SDHAF3: variants seen among roughly 807,000 people sequenced by gnomAD.
SDHAF3 encodes the protein succinate dehydrogenase assembly factor 3, mitochondrial.
A neutral mutation model predicts 11.5 loss-of-function variants in SDHAF3; 18 were observed. The ratio of observed to expected loss-of-function variants is 1.56; its 90% confidence interval spans 1.08 to 2.32. The LOEUF is 2.32. SDHAF3 is among the 30% of genes most tolerant of loss of function. The pLI is 0.00. For missense variants in SDHAF3, 200 were observed against 154.4 expected, an observed-to-expected ratio of 1.30 and a Z score of -1.57; for synonymous variants, 72 against 59.3, an observed-to-expected ratio of 1.21 and a Z score of -0.99.
At chr7:97,180,275 A>T (rs574433504) in intron 1 of SDHAF3, among the ~76,000 whole-genome samples, 1 of 152,226 alleles carries the variant, frequency 6.6e-6, no homozygotes, top group South Asian at 2.1e-4. Context: ...GATGTGTTAC[A>T]TGTCACCGTG....
At chr7:97,135,575 C>T (rs1260102062) in intron 1 of SDHAF3, 1 of 116,548 alleles carries the variant, frequency 8.6e-6, no homozygotes, top group East Asian at 3.5e-4. Flanking sequence ...ATTTGCTAGT[C>T]CCCATATGTG....
chr7:97,179,103 C>T (rs1789731588), intron 1 of SDHAF3, among the ~76,000 whole-genome samples: 1 of 152,146 alleles, frequency 6.6e-6, no homozygotes, highest in Admixed American at 6.5e-5. Context: ...TTATTCTTTC[C>T]TCCACTGAAT....
chr7:97,151,295 G>A (rs1388530289), intron 1 of SDHAF3, among the ~76,000 whole-genome samples: 1 of 152,124 alleles, frequency 6.6e-6, no homozygotes, highest in Non-Finnish European at 1.5e-5. Flanking sequence ...CCAGATGATT[G>A]GAATTTTTAT....
At chr7:97,130,534 A>C (rs1272362162) in intron 1 of SDHAF3, among the ~76,000 whole-genome samples, 1 of 152,068 alleles carries the variant, frequency 6.6e-6, no homozygotes, top group East Asian at 1.9e-4. Flanking sequence ...CAGCTTGTTC[A>C]TGTTACAGCT....
At chr7:97,118,875 G>A (rs1239142133) in intron 1 of SDHAF3, among the ~76,000 whole-genome samples, 3 of 152,150 alleles carry the variant, frequency 2.0e-5, no homozygotes, top group Non-Finnish European at 4.4e-5. Context: ...GCTTTTAAGA[G>A]CGACATTTAG....
At chr7:97,173,546 A>ATTTT (rs10538365) in intron 1 of SDHAF3, among the ~76,000 whole-genome samples, 5 of 135,436 alleles carry the variant, frequency 3.7e-5, no homozygotes, top group Non-Finnish European at 4.7e-5. Flanking sequence ...CAAAATTAGA[A>ATTTT]TTTTTTTTTT....
chr7:97,124,809 G>T (rs1281550931), intron 1 of SDHAF3, among the ~76,000 whole-genome samples: 1 of 152,082 alleles, frequency 6.6e-6, no homozygotes, highest in Non-Finnish European at 1.5e-5. Context: ...TCTATTATTG[G>T]TGTATAGGAA....
At chr7:97,118,174 AG>A (rs1791437887) in intron 1 of SDHAF3, among the ~76,000 whole-genome samples, 1 of 152,214 alleles carries the variant, frequency 6.6e-6, no homozygotes, top group Non-Finnish European at 1.5e-5. Flanking sequence ...AAAATGAGCA[AG>A]TCGTCGTTAA....
intron 1 of SDHAF3, among the ~76,000 whole-genome samples, chr7:97,158,583 C>CA (rs1387558893): frequency 6.6e-6 from 1 of 152,176 alleles, no homozygotes; most frequent in Non-Finnish European, 1.5e-5. Flanking sequence ...CTCAGCCTCT[C>CA]AAAGTGCTGG....
intron 1 of SDHAF3, among the ~76,000 whole-genome samples, chr7:97,148,277 A>G (rs1486736512): frequency 6.6e-6 from 1 of 152,184 alleles, no homozygotes; most frequent in Non-Finnish European, 1.5e-5. Flanking sequence ...GCTTGCAACT[A>G]TAATCCTAGC....
intron 1 of SDHAF3, among the ~76,000 whole-genome samples, chr7:97,146,272 C>G (rs922810677): frequency 6.6e-6 from 1 of 152,026 alleles, no homozygotes; most frequent in Non-Finnish European, 1.5e-5. Context: ...AATTTGTTGT[C>G]AAAACTGTGA....
intron 1 of SDHAF3, among the ~76,000 whole-genome samples, chr7:97,175,991 A>G (rs1789673770): frequency 6.6e-6 from 1 of 152,214 alleles, no homozygotes; most frequent in Non-Finnish European, 1.5e-5. Flanking sequence ...AATTATGGCC[A>G]TATCGCTCCA....
At chr7:97,137,020 T>C (rs777634278) in intron 1 of SDHAF3, among the ~76,000 whole-genome samples, 8 of 152,194 alleles carry the variant, frequency 5.3e-5, no homozygotes, top group Non-Finnish European at 8.8e-5. Context: ...TTTTGTATTT[T>C]GTTTTGTTTT....
intron 1 of SDHAF3, among the ~76,000 whole-genome samples, chr7:97,121,841 GT>G (rs59598335): frequency 0.021 from 2,797 of 135,720 alleles, 99 homozygotes; most frequent in African/African-American, 0.072. Flanking sequence ...AGGTTTTTTG[GT>G]TTTTTTTTTT....
rs71131003 is a variant in SDHAF3 at position 97,142,042 on chromosome 7, C to CTTTTTTTTTTTTTTTTT, written c.174+24158_174+24174dup. On this transcript the variant is annotated intron_variant, in intron 1 of 1. Coordinates refer to ENST00000432641, the MANE Select transcript of SDHAF3 (RefSeq NM_020186.3). ...AGCAATGAAATGTGTGAATTGTTGT[C>CTTTTTTTTTTTTTTTTT]TTTTTTTTTTTTTTTTTTTTTTTTT... Among the ~76,000 whole-genome samples, 5 of 61,694 alleles carry CTTTTTTTTTTTTTTTTT rather than the reference C, an allele frequency of 8.1e-5. No individual in the cohort carries two copies. The East Asian group carries it at 2.7e-3, about 33-fold the overall frequency. 40.5% of individuals were successfully genotyped at this position (61,694 alleles called of 152,430 possible).
At chr7:97,158,528 T>C (rs1254676069) in intron 1 of SDHAF3, among the ~76,000 whole-genome samples, 3 of 152,150 alleles carry the variant, frequency 2.0e-5, no homozygotes, top group Non-Finnish European at 4.4e-5. Context: ...GGTTTCACCA[T>C]GTTGGCCAGG....
At chr7:97,167,703 A>G (rs1789531816) in intron 1 of SDHAF3, among the ~76,000 whole-genome samples, 1 of 152,152 alleles carries the variant, frequency 6.6e-6, no homozygotes, top group South Asian at 2.1e-4. Flanking sequence ...GGTCAGAGAT[A>G]AAATCATACA....
rs138253308 is a variant in SDHAF3 at position 97,157,050 on chromosome 7, T to C, written c.175-23962T>C. Among the ~76,000 whole-genome samples the C allele has an allele frequency of 3.7e-3, 556 of 152,146 alleles. 1 individual carries two copies. The highest frequency in any genetic ancestry group is 0.013 in the African/African-American group (526 of 41,514). On this transcript the variant is annotated intron_variant, in intron 1 of 1. Transcript: ENST00000432641. ...CCTCCCACTTTTAAGTGAGAACATG[T>C]GGTGTTTGGTTTTCTAACCAGAAAT...
chr7:97,121,526 A>AT (rs531369213), intron 1 of SDHAF3, among the ~76,000 whole-genome samples: 138 of 152,338 alleles, frequency 9.1e-4, no homozygotes, highest in African/African-American at 3.3e-3. Context: ...AGGCAGAAAC[A>AT]TTTTTCAGAT....
Sources: allele counts gnomAD v4.1 joint callset (sites outside exome capture counted in the v4.1 genomes callset), GRCh38; gene constraint gnomAD v4.1.1; transcripts MANE v1.5; gene names NCBI Gene and HGNC (gene_info 2026-07-23, HGNC 2026-07-21).